The following CASP5 variants were observed in gnomAD, a reference collection of about 807,000 sequenced individuals.
CASP5 encodes the protein caspase-5.
A neutral mutation model predicts 45.2 loss-of-function variants in CASP5; 42 were observed. The ratio of observed to expected loss-of-function variants is 0.93; its 90% CI spans 0.73 to 1.20. The LOEUF is 1.20. Ranked by LOEUF, CASP5 falls within the 50% of genes most tolerant of loss-of-function variation. CASP5 has a pLI of 0.00. For missense variants in CASP5, 512 were observed against 532.2 expected, an observed-to-expected ratio of 0.96 and a Z score of 0.37; for synonymous variants, 209 against 186.2, an observed-to-expected ratio of 1.12 and a Z score of -1.00.
rs772593433 is a variant in CASP5, at chr11:104,997,434, T to C, written c.1155A>G (p.Thr385=). The C allele has an allele frequency of 3.7e-6, 6 of 1,613,352 alleles. No individual in the cohort carries two copies. The East Asian group carries it at 8.9e-5, about 24-fold the overall frequency. The change falls in exon 8 of 10, where the codon ACA becomes ACG. Residue 385 remains threonine (T), a synonymous_variant. Transcript: ENST00000260315. ...RGSIFITELI[T]CFQKYSCCCH... Reference sequence around the variant, plus strand: ...AGCAGCAAGAATATTTCTGGAAGCATGTGATGAGTTCCGTAATGAAGATGG... The same window carrying C: ...AGCAGCAAGAATATTTCTGGAAGCACGTGATGAGTTCCGTAATGAAGATGG...
rs1383404576 is a variant in CASP5 at position 105,022,987 on chromosome 11, A to G, written c.7+143T>C. 52 of 761,110 alleles carry G rather than the reference A, an allele frequency of 6.8e-5. 1 individual carries two copies. In the East Asian group the frequency reaches 1.3e-3, roughly 20 times the overall value. The allele number at this position is 761,110 out of a possible 1,614,324, so 47.1% of individuals were successfully genotyped here. On this transcript the variant is annotated intron_variant, in intron 1 of 9. Transcript: ENST00000260315. The stretch of plus-strand genomic sequence containing the variant: ...TACACAGTCTCAGGATTCAAACTAC[A>G]TACCACCAATAAGAGAAAGATTCAG...
intron 3 of CASP5, among the ~76,000 whole-genome samples, chr11:105,003,863 TAATA>T (rs1861874070): frequency 1.3e-5 from 2 of 150,702 alleles, no homozygotes; most frequent in Non-Finnish European, 3.0e-5. Flanking sequence ...ATAATTGTAA[TAATA>T]TATTTATTTA....
chr11:105,008,837 T>A lies in CASP5; in HGVS notation c.151A>T (p.Asn51Tyr). ...ACACTGGTCGACTTTTGATCCGTATTAGGTACTAGGGTCTGGATAGATGTT... is the reference window on the plus strand; with the variant it reads ...ACACTGGTCGACTTTTGATCCGTATAAGGTACTAGGGTCTGGATAGATGTT... ...GQTSIQTLVPNTDQKSTSVKK... is the reference protein window; with the variant it reads ...GQTSIQTLVPYTDQKSTSVKK... The change falls in exon 2 of 10, where the codon AAT becomes TAT. Residue 51 changes from asparagine (N) to tyrosine (Y), a missense_variant. Asn to Tyr is a moderately radical substitution (Grantham distance 143, BLOSUM62 -2). Coordinates refer to ENST00000260315, the MANE Select transcript of CASP5 (RefSeq NM_004347.5). 1 of 1,612,884 alleles carries A rather than the reference T, an allele frequency of 6.2e-7. No individual in the cohort carries two copies. Among genetic ancestry groups the A allele is most frequent in the African/African-American group, 1.3e-5 (1 of 75,004 alleles).
intron 5 of CASP5, among the ~76,000 whole-genome samples, chr11:105,001,134 A>G (rs946538495): frequency 3.9e-5 from 6 of 152,110 alleles, no homozygotes; most frequent in African/African-American, 1.2e-4. Context: ...ATCGCACCCC[A>G]TCCAACATTC....
intron 9 of CASP5, 75 bp downstream of exon 9, chr11:104,995,665 G>C: frequency 1.1e-6 from 1 of 883,102 alleles, no homozygotes; most frequent in South Asian, 1.5e-5. Flanking sequence ...GCAGTCAGCT[G>C]TCATTGGTCA....
At chr11:104,999,054 T>C in intron 6 of CASP5, 26 bp from the exon 7 acceptor site, 1 of 1,569,800 alleles carries the variant, frequency 6.4e-7, no homozygotes, top group Non-Finnish European at 8.6e-7. Flanking sequence ...CTTTCTTTTT[T>C]TTTTATGTTA....
chr11:105,018,038 T>C (rs1258023850), intron 1 of CASP5, among the ~76,000 whole-genome samples: 1 of 151,828 alleles, frequency 6.6e-6, no homozygotes, highest in Admixed American at 6.6e-5. Context: ...AACCCAGAAT[T>C]TCATATCCAG....
intron 8 of CASP5, among the ~76,000 whole-genome samples, chr11:104,996,332 C>T (rs529731463): frequency 5.9e-5 from 9 of 152,250 alleles, no homozygotes; most frequent in East Asian, 3.9e-4. Context: ...TCCTGCTTAC[C>T]GTAAATCCAA....
At chr11:105,022,716 G>A (rs1453161661) in intron 1 of CASP5, among the ~76,000 whole-genome samples, 1 of 152,236 alleles carries the variant, frequency 6.6e-6, no homozygotes, top group East Asian at 1.9e-4. Flanking sequence ...ATGACAACAC[G>A]TTGAGAACAC....
At chr11:105,009,712 T>TACACAC (rs1420509724) in intron 1 of CASP5, among the ~76,000 whole-genome samples, 9 of 61,306 alleles carry the variant, frequency 1.5e-4, no homozygotes, top group South Asian at 4.9e-4. Context: ...GAGATATATA[T>TACACAC]ATACACACAT....
rs1861828055 is a variant in CASP5, at chr11:105,003,190, A to T, written c.543+84T>A. On this transcript the variant is annotated intron_variant, in intron 4 of 9. Transcript: ENST00000260315. ...ACTCCAGGCTGGGCAACAGAGCAAG[A>T]CCCCATTTTTAAAAATGTGCATTGC... 5 of 869,414 alleles carry T rather than the reference A, an allele frequency of 5.8e-6. No individual in the cohort carries two copies. The East Asian group carries it at 9.9e-5, about 17-fold the overall frequency. The allele number at this position is 869,414 out of a possible 1,614,324, so 53.9% of individuals were successfully genotyped here.
At chr11:105,019,181 T>C (rs990979287) in intron 1 of CASP5, among the ~76,000 whole-genome samples, 39 of 150,772 alleles carry the variant, frequency 2.6e-4, no homozygotes, top group Admixed American at 1.1e-3. Context: ...TTTATAGCAC[T>C]AAATGCCCAC....
intron 1 of CASP5, among the ~76,000 whole-genome samples, chr11:105,021,306 A>C (rs1354858333): frequency 6.9e-6 from 1 of 145,494 alleles, no homozygotes; most frequent in Non-Finnish European, 1.5e-5. Flanking sequence ...AAAATTGACA[A>C]ATGGGATCTA....
intron 3 of CASP5, 127 bp downstream of exon 3, chr11:105,006,956 C>CAT: frequency 1.2e-6 from 1 of 847,218 alleles, no homozygotes; most frequent in Non-Finnish European, 1.9e-6. Flanking sequence ...AGGATGATGA[C>CAT]ATGTTTACTG....
chr11:105,012,233 C>T (rs188213338), intron 1 of CASP5, among the ~76,000 whole-genome samples: 1 of 151,680 alleles, frequency 6.6e-6, no homozygotes, highest in Non-Finnish European at 1.5e-5. Context: ...TATCCAAGAG[C>T]AGAAGAATGA....
At chr11:105,014,475 A>C (rs775181565) in intron 1 of CASP5, among the ~76,000 whole-genome samples, 1 of 152,196 alleles carries the variant, frequency 6.6e-6, no homozygotes, top group Non-Finnish European at 1.5e-5. Flanking sequence ...AGGTGGCCAT[A>C]AACTAGGCCT....
At chr11:104,996,269 C>G (rs1341112786) in intron 8 of CASP5, among the ~76,000 whole-genome samples, 1 of 152,132 alleles carries the variant, frequency 6.6e-6, no homozygotes, top group Non-Finnish European at 1.5e-5. Context: ...AACTTTCATG[C>G]CCACACCACC....
chr11:105,004,418 G>C (rs1565384083), intron 3 of CASP5, among the ~76,000 whole-genome samples: 1 of 151,932 alleles, frequency 6.6e-6, no homozygotes, highest in Non-Finnish European at 1.5e-5. Flanking sequence ...GCAAAAAACT[G>C]GGAGATTATT....
At chr11:105,003,550 T>C (rs989264613) in intron 3 of CASP5, among the ~76,000 whole-genome samples, 167 bp from the exon 4 acceptor site, 4 of 152,038 alleles carry the variant, frequency 2.6e-5, no homozygotes, top group African/African-American at 4.8e-5. Context: ...GTTGTGAGAA[T>C]TCCCTGATAG....
Sources: gnomAD v4.1 joint callset for allele counts (sites outside exome capture counted in the v4.1 genomes callset) on GRCh38, gnomAD v4.1.1 for gene constraint, MANE v1.5 for transcripts, NCBI Gene and HGNC (gene_info 2026-07-23, HGNC 2026-07-21) for gene names.